Variants in CLYBL observed in about 807,000 individuals in gnomAD.
CLYBL encodes citramalyl-CoA lyase, mitochondrial.
Under a neutral mutation model 38.9 loss-of-function variants are expected in CLYBL, and 31 were observed. The observed-to-expected ratio is 0.80, with a 90% CI of 0.60 to 1.08. The LOEUF is 1.08. CLYBL is among the 50% of genes least tolerant of loss of function. CLYBL has a pLI of 0.00. For synonymous variants in CLYBL, 171 were observed against 158.6 expected (o/e 1.08, Z -0.59); for missense variants, 434 against 411.6 (o/e 1.05, Z -0.47).
chr13:99,673,299 G>T (rs566263513), intron 1 of CLYBL, among the ~76,000 whole-genome samples: 4 of 152,142 alleles, frequency 2.6e-5, no homozygotes, highest in African/African-American at 9.6e-5. Context: ...TGTAATCCCA[G>T]CTACTCAGAA....
chr13:99,789,323 T>C (rs1387649239), intron 2 of CLYBL, among the ~76,000 whole-genome samples: 2 of 152,236 alleles, frequency 1.3e-5, no homozygotes, highest in East Asian at 3.8e-4. Context: ...CTGCTTTCTC[T>C]TGTGGGCATT....
chr13:99,610,633 T>C (rs1488593568), intron 1 of CLYBL, among the ~76,000 whole-genome samples: 2 of 152,212 alleles, frequency 1.3e-5, no homozygotes, highest in African/African-American at 4.8e-5. Context: ...TGTCAGGACA[T>C]GTCTTCAACA....
intron 1 of CLYBL, among the ~76,000 whole-genome samples, chr13:99,730,881 G>T (rs1362122216): frequency 2.0e-5 from 3 of 152,026 alleles, no homozygotes; most frequent in African/African-American, 7.2e-5. Context: ...TCAGGAGTTT[G>T]AGACCAGCCT....
chr13:99,736,436 A>G (rs545766048), intron 1 of CLYBL, among the ~76,000 whole-genome samples: 9 of 152,144 alleles, frequency 5.9e-5, no homozygotes, highest in African/African-American at 2.2e-4. Context: ...TTTTAGGATA[A>G]TGGAGGTCAG....
At chr13:99,620,955 C>T (rs1183438728) in intron 1 of CLYBL, among the ~76,000 whole-genome samples, 1 of 152,148 alleles carries the variant, frequency 6.6e-6, no homozygotes, top group African/African-American at 2.4e-5. Context: ...ATAGGAGAAG[C>T]TTGGAGTCTC....
At chr13:99,802,513 G>C (rs568048982) in intron 2 of CLYBL, among the ~76,000 whole-genome samples, 13 of 152,154 alleles carry the variant, frequency 8.5e-5, no homozygotes, top group Non-Finnish European at 1.3e-4. Context: ...AATGGGAAAG[G>C]GGGGAGCTAT....
At chr13:99,739,542 T>C (rs748455941) in intron 1 of CLYBL, among the ~76,000 whole-genome samples, 19 of 152,204 alleles carry the variant, frequency 1.2e-4, no homozygotes, top group Non-Finnish European at 2.8e-4. Context: ...ATGGTTTAGA[T>C]CTGAAATCAT....
At chr13:99,727,409 C>G (rs2048496567) in intron 1 of CLYBL, 2 of 152,028 alleles carry the variant, frequency 1.3e-5, no homozygotes, top group Admixed American at 1.3e-4. Flanking sequence ...GGTTCCTTTT[C>G]AGATAAAGGT....
In CLYBL at chr13:99,795,495, G is replaced by GA. The variant is rs1375111364; in HGVS notation, c.249+22494dup. Among the ~76,000 whole-genome samples, 221 of 151,018 alleles carry GA rather than the reference G, an allele frequency of 1.5e-3. 1 individual carries two copies. Among genetic ancestry groups the GA allele is most frequent in the Non-Finnish European group, 2.8e-3 (191 of 67,708 alleles). On this transcript the variant is annotated intron_variant, in intron 2 of 8. Transcript: ENST00000339105. Reference sequence around the variant, plus strand: ...ATAGTGAGATCCCACCTCTACAAAAGAAAAAAAAATTACCCAGGCATGGTG... The same window carrying GA: ...ATAGTGAGATCCCACCTCTACAAAAGAAAAAAAAAATTACCCAGGCATGGTG...
chr13:99,905,838 T>C (rs2052692311), intron 9 of CLYBL, among the ~76,000 whole-genome samples: 2 of 152,032 alleles, frequency 1.3e-5, no homozygotes, highest in South Asian at 4.2e-4. Flanking sequence ...CGATCTCGGC[T>C]CACTGCAGCC....
intron 1 of CLYBL, among the ~76,000 whole-genome samples, chr13:99,662,596 A>G (rs1314751732): frequency 7.2e-6 from 1 of 138,812 alleles, no homozygotes; most frequent in Non-Finnish European, 1.5e-5. Context: ...TTTTATTAGT[A>G]TTACTAGTAA....
intron 1 of CLYBL, among the ~76,000 whole-genome samples, chr13:99,625,574 T>A (rs1343277940): frequency 2.0e-5 from 3 of 152,222 alleles, no homozygotes; most frequent in Non-Finnish European, 4.4e-5. Context: ...TTCCCTTTTT[T>A]AAAAAAATAC....
intron 1 of CLYBL, among the ~76,000 whole-genome samples, chr13:99,676,195 T>TCCTTCCTTCCTA (rs2047645002): frequency 1.7e-5 from 1 of 58,716 alleles, no homozygotes; most frequent in Non-Finnish European, 4.4e-5. Flanking sequence ...CGTCCTTCCT[T>TCCTTCCTTCCTA]CCTTCCTTCC....
At chr13:99,861,889 CCTTT>C (rs2051612569) in intron 3 of CLYBL, among the ~76,000 whole-genome samples, 2 of 152,158 alleles carry the variant, frequency 1.3e-5, no homozygotes, top group African/African-American at 4.8e-5. Flanking sequence ...AAATGAGTTT[CCTTT>C]CTATTAGTCA....
intron 2 of CLYBL, among the ~76,000 whole-genome samples, chr13:99,822,371 G>C (rs2050605096): frequency 6.6e-6 from 1 of 152,204 alleles, no homozygotes; most frequent in Non-Finnish European, 1.5e-5. Context: ...ACTGGGACAG[G>C]ATCAGAGTCA....
At chr13:99,811,983 A>G (rs564887066) in intron 2 of CLYBL, among the ~76,000 whole-genome samples, 1 of 152,194 alleles carries the variant, frequency 6.6e-6, no homozygotes, top group Non-Finnish European at 1.5e-5. Context: ...GCATGAATCC[A>G]CAATCCTGTA....
downstream of CLYBL, among the ~76,000 whole-genome samples, chr13:99,897,634 G>C (rs1331801548): frequency 6.6e-6 from 1 of 152,154 alleles, no homozygotes; most frequent in East Asian, 1.9e-4. Flanking sequence ...TTTCACCGTT[G>C]CATGCAACAT....
intron 1 of CLYBL, among the ~76,000 whole-genome samples, chr13:99,626,580 C>T (rs2046872455): frequency 6.6e-6 from 1 of 152,128 alleles, no homozygotes; most frequent in Non-Finnish European, 1.5e-5. Flanking sequence ...ATAGACAAAA[C>T]GTGGTGGAAC....
At chr13:99,822,167 G>A (rs1745319933) in intron 2 of CLYBL, among the ~76,000 whole-genome samples, 1 of 152,092 alleles carries the variant, frequency 6.6e-6, no homozygotes, top group African/African-American at 2.4e-5. Flanking sequence ...CATGCCAATG[G>A]GCCAATATAC....
Sources: gnomAD v4.1 joint callset for allele counts (sites outside exome capture counted in the v4.1 genomes callset) on GRCh38, gnomAD v4.1.1 for gene constraint, MANE v1.5 for transcripts, NCBI Gene and HGNC (gene_info 2026-07-23, HGNC 2026-07-21) for gene names.